The following VWDE variants were observed in gnomAD, a reference collection of about 807,000 sequenced individuals.
VWDE encodes von Willebrand factor D and EGF domain-containing protein.
A neutral mutation model predicts 178.4 loss-of-function variants in VWDE; 207 were observed. That is an observed-to-expected ratio of 1.16 (90% confidence interval 1.04 to 1.30). The LOEUF is 1.30. Among genes scored for constraint, VWDE ranks in the 50% most tolerant of loss-of-function variants. The pLI, the probability that VWDE is intolerant of heterozygous loss-of-function variation, is 0.00. For missense variants in VWDE, 2,287 were observed against 1,901.3 expected, an observed-to-expected ratio of 1.20 and a Z score of -3.77; for synonymous variants, 738 against 651.4, an observed-to-expected ratio of 1.13 and a Z score of -2.02.
chr7:12,358,398 A>G (rs1782389494), intron 16 of VWDE, among the ~76,000 whole-genome samples: 1 of 150,330 alleles, frequency 6.7e-6, no homozygotes, highest in Non-Finnish European at 1.5e-5. Flanking sequence ...GGGGGGGGCT[A>G]TTTTAGAGGA....
chr7:12,343,860 T>C (rs1781456994), intron 21 of VWDE, among the ~76,000 whole-genome samples: 1 of 152,124 alleles, frequency 6.6e-6, no homozygotes, highest in African/African-American at 2.4e-5. Context: ...TGAACCATAT[T>C]TGGTAGATCA....
Position 12,331,012 on chromosome 7 carries a change from G to C in VWDE, c.*171C>G. ...TTTAGATTACCTGGATTTCTTCTTT[G>C]CTTTTCTCTATGATTACAACAGAGA... On this transcript the variant is annotated 3_prime_UTR_variant, in exon 29 of 29. Coordinates refer to ENST00000275358, the MANE Select transcript of VWDE (RefSeq NM_001135924.3). 1.9e-6 allele frequency: 1 copy of C among 522,426 alleles called. No individual in the cohort carries two copies. The highest frequency in any genetic ancestry group is 3.3e-6 in the Non-Finnish European group (1 of 302,600). The allele number at this position is 522,426 out of a possible 1,614,324, so 32.4% of individuals were successfully genotyped here. A position where few individuals can be genotyped will look rare whatever the true frequency, so the allele number is the denominator to read the frequency against.
chr7:12,374,891 T>G (rs980287724), intron 8 of VWDE, 119 bp downstream of exon 8: 1 of 1,186,288 alleles, frequency 8.4e-7, no homozygotes, highest in Non-Finnish European at 1.2e-6. Context: ...GAAAATTGAA[T>G]CATTTAAAAA....
At chr7:12,389,072 A>G (rs1471259492) in intron 3 of VWDE, 55 bp downstream of exon 3, 1 of 1,182,148 alleles carries the variant, frequency 8.5e-7, no homozygotes, top group African/African-American at 1.5e-5. Flanking sequence ...AGAGAATGGT[A>G]CGAATGGCAG....
intron 2 of VWDE, among the ~76,000 whole-genome samples, chr7:12,392,393 A>T (rs1368740205): frequency 6.6e-6 from 1 of 152,200 alleles, no homozygotes; most frequent in Admixed American, 6.6e-5. Flanking sequence ...CATTCCTTAG[A>T]TCATGTGGAT....
In VWDE at chr7:12,369,649, G is replaced by A; in HGVS notation, c.2657C>T (p.Ser886Leu). The A allele has an allele frequency of 6.4e-7, 1 of 1,551,594 alleles. No homozygotes were observed. The highest frequency in any genetic ancestry group is 8.7e-7 in the Non-Finnish European group (1 of 1,146,858). ...GCATAAATTGGGGCATTTTAATACTGAGAGAATGTCTTCAATTGATGTGCC... is the reference window on the plus strand; with the variant it reads ...GCATAAATTGGGGCATTTTAATACTAAGAGAATGTCTTCAATTGATGTGCC... Reference protein sequence around the residue: ...EYGTSIEDILSVLKCPNLCSG... With the variant: ...EYGTSIEDILLVLKCPNLCSG... The change falls in exon 12 of 29, where the codon TCA (serine) becomes TTA (leucine). Residue 886 changes from serine to leucine, a missense_variant. Ser to Leu is a moderately radical substitution (Grantham distance 145, BLOSUM62 -2). Transcript: ENST00000275358.
intron 21 of VWDE, among the ~76,000 whole-genome samples, chr7:12,343,736 T>C (rs1354111785): frequency 5.3e-5 from 8 of 152,192 alleles, no homozygotes; most frequent in African/African-American, 1.9e-4. Flanking sequence ...CCGCTTAAGA[T>C]TTAAACCAAA....
chr7:12,357,360 C>T lies in VWDE; in HGVS notation c.3430G>A (p.Gly1144Arg). 1 of 1,551,934 alleles carries T rather than the reference C, an allele frequency of 6.4e-7. No homozygotes were observed. Among genetic ancestry groups the T allele is most frequent in the Non-Finnish European group, 8.7e-7 (1 of 1,147,056 alleles). ...GPEGASVSSA[G>R]LFMWKTDLLT... Reference sequence around the variant, plus strand: ...AAATCTGTTTTCCACATAAAAAGCCCTGCAGAGGAAACACTTGCCCCTTCA... The same window carrying T: ...AAATCTGTTTTCCACATAAAAAGCCTTGCAGAGGAAACACTTGCCCCTTCA... Residue 1144 changes from glycine (G) to arginine (R), a missense_variant, in exon 17 of 29, where the codon GGG becomes AGG. Gly to Arg is a moderately radical substitution (Grantham distance 125). Coordinates refer to ENST00000275358, the MANE Select transcript of VWDE (RefSeq NM_001135924.3).
rs1000517069 is a variant in VWDE, at chr7:12,374,582, T to C, written c.1316+107A>G. The C allele has an allele frequency of 3.7e-5, 27 of 733,432 alleles. No homozygotes were observed. In the African/African-American group the frequency reaches 4.5e-4, roughly 12 times the overall value. 45.4% of individuals were successfully genotyped at this position (733,432 alleles called of 1,614,324 possible). A position where few individuals can be genotyped will look rare whatever the true frequency, so the allele number is the denominator to read the frequency against. On this transcript the variant is annotated intron_variant, in intron 9 of 28. Transcript: ENST00000275358. ...AAGCCAGTAATGCCTTTCTGTCTAA[T>C]TTCAGTGACTAGGACTAAAAAATTA...
chr7:12,374,287 A>C (rs1783387672), intron 9 of VWDE, among the ~76,000 whole-genome samples: 1 of 152,100 alleles, frequency 6.6e-6, no homozygotes, highest in African/African-American at 2.4e-5. Context: ...AAGACTTAGG[A>C]GTAATTAGTT....
chr7:12,351,445 C>G, intron 19 of VWDE, 128 bp downstream of exon 19: 1 of 984,456 alleles, frequency 1.0e-6, no homozygotes, highest in Non-Finnish European at 1.4e-6. Flanking sequence ...AAATTTTAAA[C>G]CGCATCATAT....
chr7:12,375,740 A>G (rs1465763513), intron 7 of VWDE, among the ~76,000 whole-genome samples: 1 of 152,062 alleles, frequency 6.6e-6, no homozygotes, highest in East Asian at 1.9e-4. Flanking sequence ...ATCACAACAA[A>G]TGAAGATGAT....
rs547399187 is a variant in VWDE at position 12,370,931 on chromosome 7, A to G, written c.1588-67T>C. The stretch of plus-strand genomic sequence containing the variant: ...CAATATTCAACCTGGATTAAGAAAA[A>G]TCTATTATTTAAAAAATAAGAAATA... On this transcript the variant is annotated intron_variant, in intron 10 of 28. Coordinates refer to ENST00000275358, the MANE Select transcript of VWDE (RefSeq NM_001135924.3). The G allele has an allele frequency of 4.1e-4, 492 of 1,200,222 alleles. 1 individual carries two copies. In the African/African-American group the frequency reaches 6.9e-3, roughly 17 times the overall value. The allele number at this position is 1,200,222 out of a possible 1,614,324, so 74.3% of individuals were successfully genotyped here.
At chr7:12,366,651 A>G (rs140882962) in intron 13 of VWDE, among the ~76,000 whole-genome samples, 2 of 152,192 alleles carry the variant, frequency 1.3e-5, no homozygotes, top group East Asian at 3.9e-4. Context: ...TAAATTCTCA[A>G]TCTCAGAATC....
At chr7:12,393,371 C>T (rs901566175) in intron 2 of VWDE, among the ~76,000 whole-genome samples, 1 of 152,040 alleles carries the variant, frequency 6.6e-6, no homozygotes, top group Non-Finnish European at 1.5e-5. Context: ...AACTTTTATA[C>T]AAGATATTGT....
intron 4 of VWDE, among the ~76,000 whole-genome samples, chr7:12,382,930 G>A (rs866992464): frequency 2.0e-5 from 3 of 151,584 alleles, no homozygotes; most frequent in Middle Eastern, 3.4e-3. Flanking sequence ...AGTATACATT[G>A]AAAGGAAGAG....
chr7:12,398,587 G>A (rs772659902), intron 1 of VWDE, among the ~76,000 whole-genome samples: 5 of 152,028 alleles, frequency 3.3e-5, no homozygotes, highest in Non-Finnish European at 5.9e-5. Context: ...TCCTCAGCTG[G>A]AGCACCCTAT....
intron 3 of VWDE, among the ~76,000 whole-genome samples, chr7:12,384,797 C>T (rs1420610882): frequency 6.6e-6 from 1 of 152,018 alleles, no homozygotes; most frequent in Non-Finnish European, 1.5e-5. Context: ...TTAACTGGCA[C>T]AAGAGCAACT....
Position 12,333,506 on chromosome 7 carries a change from G to A in VWDE, c.4717C>T (p.Arg1573Cys), listed in dbSNP as rs764904263. The change falls in exon 28 of 29, where the codon CGC becomes TGC. Residue 1573 changes from arginine (R) to cysteine (C), a missense_variant. Physicochemically the swap from Arg to Cys is radical, Grantham distance 180 (BLOSUM62 -3). Coordinates refer to ENST00000275358, the MANE Select transcript of VWDE (RefSeq NM_001135924.3). ...RCIFPNVCSC[R>C]TEYSGVKCEK... The stretch of plus-strand genomic sequence containing the variant: ...CATTTGACTCCAGAGTATTCAGTGC[G>A]GCAGGAACACACATTGGGAAATATG... The A allele has an allele frequency of 1.6e-5, 25 of 1,550,698 alleles. No homozygotes were observed. The Admixed American group carries it at 2.2e-4, about 13-fold the overall frequency.
Sources: allele counts gnomAD v4.1 joint callset (sites outside exome capture counted in the v4.1 genomes callset), GRCh38; gene constraint gnomAD v4.1.1; transcripts MANE v1.5; gene names NCBI Gene and HGNC (gene_info 2026-07-23, HGNC 2026-07-21).